Variants in ITFG2 observed in about 807,000 individuals in gnomAD.
ITFG2 encodes integrin alpha FG-GAP repeat containing 2.
Under a neutral mutation model 54.4 loss-of-function variants are expected in ITFG2, and 36 were observed. The observed-to-expected ratio is 0.66, with a 90% CI of 0.51 to 0.87. The LOEUF is 0.87. Among genes scored for constraint, ITFG2 ranks in the 40% least tolerant of loss-of-function variants. The probability of loss-of-function intolerance (pLI) is 0.00; values close to 1 mark genes in which losing one functional copy is unlikely to be tolerated. For missense variants in ITFG2, 524 were observed against 576.7 expected, an observed-to-expected ratio of 0.91 and a Z score of 0.94; for synonymous variants, 211 against 225.4, an observed-to-expected ratio of 0.94 and a Z score of 0.57.
At chr12:2,831,027 C>G (rs2098000025), downstream of ITFG2, 4 of 576,364 alleles carry the variant, frequency 6.9e-6, no homozygotes, top group Middle Eastern at 9.2e-4. Flanking sequence ...AGAGTAAGCC[C>G]CAGTATCAAA....
At chr12:2,857,739 C>G (rs28919873) in intron 2 of ITFG2, 1 of 152,492 alleles carries the variant, frequency 6.6e-6, no homozygotes, top group Non-Finnish European at 1.5e-5. Flanking sequence ...CACACCCATG[C>G]GGTCAGCTGG....
intron 3 of ITFG2, chr12:2,858,752 T>C: frequency 6.2e-7 from 1 of 1,614,190 alleles, no homozygotes; most frequent in South Asian, 1.1e-5. Context: ...TGTCATTCAT[T>C]GTGTCCAGGA....
Position 2,820,141 on chromosome 12 carries a change from T to C in ITFG2, c.462T>C (p.Ala154=), listed in dbSNP as rs751478384. The change falls in exon 5 of 12, where the codon GCT becomes GCC. Residue 154 remains alanine, a synonymous_variant. Transcript: ENST00000228799. ...GCTACACAGACCGTGTGGTGCGAGC[T>C]TTCCGCTGGGAGGAGCTAGGTGAGG... is the stretch of plus-strand genomic sequence containing the variant. ...VVGYTDRVVR[A]FRWEELGEGP... The C allele has an allele frequency of 1.2e-5, 20 of 1,613,876 alleles. No individual in the cohort carries two copies. The highest frequency in any genetic ancestry group is 1.5e-5 in the Non-Finnish European group (18 of 1,179,956).
In ITFG2 at chr12:2,812,689, T is replaced by C; in HGVS notation, c.-72T>C. ...TGCTGCCTTAGGTGGCCTTCCGCTC[T>C]GGCGGCTGTCGCGACGGGGGTTCAG... On this transcript the variant is annotated 5_prime_UTR_variant, in exon 1 of 12. Transcript: ENST00000228799. 1 of 1,347,754 alleles carries C rather than the reference T, an allele frequency of 7.4e-7. No homozygotes were observed. The allele number at this position is 1,347,754 out of a possible 1,614,324, so 83.5% of individuals were successfully genotyped here. A position where few individuals can be genotyped will look rare whatever the true frequency, so the allele number is the denominator to read the frequency against.
chr12:2,852,517 C>T lies in ITFG2; in HGVS notation n.301-5495C>T, dbSNP rs542449890. On this transcript the variant is annotated intron_variant and non_coding_transcript_variant, in intron 2 of 3. Transcript: ENST00000537710. ...ATGTAGCTGGGATTATGGGCATGTG[C>T]CACCATGCCTGGCTAATTTTTTGAT... 8.3e-4 allele frequency among the ~76,000 whole-genome samples: 127 copies of T among 152,256 alleles called. No individual in the cohort carries two copies. In the Middle Eastern group the frequency reaches 0.017, roughly 20 times the overall value.
At position 2,839,560 on chromosome 12, in the gene ITFG2, A is replaced by T. The variant is rs115505137; in HGVS notation, n.147-1282A>T. Among the ~76,000 whole-genome samples, 616 of 152,314 alleles carry T rather than the reference A, an allele frequency of 4.0e-3. 6 individuals are homozygous for T. The highest frequency in any genetic ancestry group is 0.014 in the African/African-American group (596 of 41,578). ...GCTGCATTGGTTCTTCTATGAATGA[A>T]GTTTTTTTTCATTCAGAAAAAAGTA... On this transcript the variant is annotated intron_variant and non_coding_transcript_variant, in intron 1 of 3. Coordinates refer to the ITFG2 transcript ENST00000537710.
At chr12:2,834,167 T>C (rs2098016801), upstream of ITFG2, among the ~76,000 whole-genome samples, 1 of 152,160 alleles carries the variant, frequency 6.6e-6, no homozygotes, top group Admixed American at 6.5e-5. Context: ...CACAAAACCC[T>C]GATGCCCTGG....
intron 4 of ITFG2, 66 bp from the exon 5 acceptor site, chr12:2,820,020 C>G (rs1603482959): frequency 6.5e-7 from 1 of 1,540,952 alleles, no homozygotes; most frequent in South Asian, 1.3e-5. Flanking sequence ...GAAGGTGCCA[C>G]TGTTAGCAGA....
intron 2 of ITFG2, chr12:2,830,084 AT>A (rs980286068): frequency 1.5e-4 from 23 of 150,690 alleles, no homozygotes; most frequent in Middle Eastern, 3.4e-3. Context: ...CTCAAAAAAA[AT>A]TTTTTTTTTT....
chr12:2,821,250 T>A lies in ITFG2; in HGVS notation c.696-12T>A. Reference sequence around the variant, plus strand: ...TGGTCTCCCGCTTGATCCGTCCACCTGCTGTGCACAGGGAGACCCCAGCTG... The same window carrying A: ...TGGTCTCCCGCTTGATCCGTCCACCAGCTGTGCACAGGGAGACCCCAGCTG... On this transcript the variant is annotated splice_polypyrimidine_tract_variant and intron_variant, in intron 6 of 11. Coordinates refer to ENST00000228799, the MANE Select transcript of ITFG2 (RefSeq NM_018463.4). The A allele has an allele frequency of 1.3e-6, 2 of 1,596,930 alleles. No individual in the cohort carries two copies. Among genetic ancestry groups the A allele is most frequent in the Non-Finnish European group, 1.7e-6 (2 of 1,170,262 alleles).
At chr12:2,848,645 C>T (rs533457138) in intron 2 of ITFG2, among the ~76,000 whole-genome samples, 1 of 152,240 alleles carries the variant, frequency 6.6e-6, no homozygotes, top group African/African-American at 2.4e-5. Flanking sequence ...CTGACCTCTC[C>T]TCCTCCAAAC....
upstream of ITFG2, among the ~76,000 whole-genome samples, chr12:2,833,513 C>G (rs2098013512): frequency 6.6e-6 from 1 of 152,052 alleles, no homozygotes; most frequent in Non-Finnish European, 1.5e-5. Flanking sequence ...AGGTGCTGCA[C>G]TGGCCTTCAG....
intron 1 of ITFG2, among the ~76,000 whole-genome samples, chr12:2,813,717 T>G (rs1034985654): frequency 2.0e-5 from 3 of 152,202 alleles, no homozygotes; most frequent in African/African-American, 7.2e-5. Context: ...ATCTTCCTAC[T>G]CGGCCTCCCT....
intron 1 of ITFG2, among the ~76,000 whole-genome samples, chr12:2,813,715 A>T (rs561488133): frequency 8.8e-4 from 134 of 151,974 alleles, no homozygotes; most frequent in African/African-American, 3.1e-3. Context: ...CTATCTTCCT[A>T]CTCGGCCTCC....
chr12:2,852,458 C>G (rs2098074159), intron 2 of ITFG2, among the ~76,000 whole-genome samples: 1 of 152,140 alleles, frequency 6.6e-6, no homozygotes, highest in Non-Finnish European at 1.5e-5. Flanking sequence ...CCTCGACCTC[C>G]TGGGCTCAGA....
chr12:2,826,900 G>A (rs2097969814), downstream of ITFG2: 3 of 989,480 alleles, frequency 3.0e-6, no homozygotes, highest in African/African-American at 3.5e-5. Context: ...GCCCAAGCAG[G>A]CACCCCATTG....
At position 2,853,381 on chromosome 12, in the gene ITFG2, C is replaced by T. The variant is rs532108636; in HGVS notation, n.301-4631C>T. Among the ~76,000 whole-genome samples, 9 of 152,022 alleles carry T rather than the reference C, an allele frequency of 5.9e-5. No homozygotes were observed. In the South Asian group the frequency reaches 6.2e-4, roughly 11 times the overall value. On this transcript the variant is annotated intron_variant and non_coding_transcript_variant, in intron 2 of 3. Transcript: ENST00000537710. ...TCCACCTCCCGGGTTCAAGTGATTC[C>T]CCTGCCTCAGCCTCCTGAGTAGCTG... is the stretch of plus-strand genomic sequence containing the variant.
intron 4 of ITFG2, 193 bp downstream of exon 4, chr12:2,818,470 T>C: frequency 8.6e-7 from 1 of 1,161,316 alleles, no homozygotes; most frequent in Non-Finnish European, 1.2e-6. Context: ...CAAAAATTGC[T>C]GCCCTCCTGG....
chr12:2,858,439 G>A, intron 3 of ITFG2: 3 of 556,382 alleles, frequency 5.4e-6, no homozygotes, highest in Non-Finnish European at 9.6e-6. Context: ...GGACAGCAGA[G>A]GAATCAGATA....
Sources: gnomAD v4.1 joint callset for allele counts (sites outside exome capture counted in the v4.1 genomes callset) on GRCh38, gnomAD v4.1.1 for gene constraint, MANE v1.5 for transcripts, NCBI Gene and HGNC (gene_info 2026-07-23, HGNC 2026-07-21) for gene names.